Variants in RIGI observed in about 807,000 individuals in gnomAD.
RIGI encodes antiviral innate immune response receptor RIG-I.
At chr9:32,491,575 A>C in the RIGI span, among the ~76,000 whole-genome samples, 1 of 152,194 alleles carries the variant, frequency 6.6e-6, no homozygotes, top group East Asian at 1.9e-4. Context: ...AGTTGAAAGA[A>C]TCATTTTGAG....
the RIGI span, among the ~76,000 whole-genome samples, chr9:32,511,989 G>C: frequency 6.6e-6 from 1 of 152,222 alleles, no homozygotes; most frequent in Admixed American, 6.5e-5. Context: ...AGAAGAAATG[G>C]ATAAATTCCT....
chr9:32,457,317 C>G, the RIGI span: 1 of 1,613,988 alleles, frequency 6.2e-7, no homozygotes, highest in South Asian at 1.1e-5. Flanking sequence ...CACAGAATAT[C>G]TTTGCTCTTT....
the RIGI span, chr9:32,493,930 A>G: frequency 1.5e-4 from 236 of 1,596,112 alleles, no homozygotes; most frequent in Non-Finnish European, 1.8e-4. Flanking sequence ...GGCTTCATAA[A>G]GTCCAGAATA....
chr9:32,508,239 AT>A, the RIGI span, among the ~76,000 whole-genome samples: 15 of 70,346 alleles, frequency 2.1e-4, 1 homozygote, highest in East Asian at 1.9e-3. Flanking sequence ...TATTTACTTA[AT>A]TTTTTTTTTT....
At chr9:32,526,005 A>G in the RIGI span, 1 of 1,336,626 alleles carries the variant, frequency 7.5e-7, no homozygotes, top group Non-Finnish European at 1.1e-6. Flanking sequence ...ACGAAGCAAG[A>G]GAAAAACAAG....
At chr9:32,509,123 C>T in the RIGI span, among the ~76,000 whole-genome samples, 2 of 152,168 alleles carry the variant, frequency 1.3e-5, no homozygotes, top group African/African-American at 4.8e-5. Context: ...GATAAAACTC[C>T]CATTTCCCTG....
At chr9:32,509,508 G>A in the RIGI span, among the ~76,000 whole-genome samples, 17 of 152,170 alleles carry the variant, frequency 1.1e-4, no homozygotes, top group African/African-American at 4.1e-4. Context: ...CAGCTGAGGG[G>A]CCTGTTAGAA....
At chr9:32,493,622 C>CAAAAA in the RIGI span, 1 of 480,368 alleles carries the variant, frequency 2.1e-6, no homozygotes. Flanking sequence ...GACTCCGTCT[C>CAAAAA]AAAAAAAAAA....
At chr9:32,496,331 A>G in the RIGI span, among the ~76,000 whole-genome samples, 5 of 152,202 alleles carry the variant, frequency 3.3e-5, no homozygotes, top group Non-Finnish European at 5.9e-5. Flanking sequence ...TAGCTGGTAA[A>G]ACATTACTTT....
At chr9:32,488,655 A>G in the RIGI span, 16 of 1,392,044 alleles carry the variant, frequency 1.1e-5, no homozygotes, top group African/African-American at 1.5e-5. Flanking sequence ...TTTTTAAATC[A>G]TTTGTCAAAA....
the RIGI span, among the ~76,000 whole-genome samples, chr9:32,480,638 T>A: frequency 3.9e-5 from 6 of 152,128 alleles, no homozygotes; most frequent in East Asian, 1.2e-3. Flanking sequence ...AAAACACATA[T>A]CAAAATTTAA....
chr9:32,499,558 C>G, the RIGI span, among the ~76,000 whole-genome samples: 2 of 152,038 alleles, frequency 1.3e-5, no homozygotes, highest in Non-Finnish European at 2.9e-5. Context: ...TGGGTTCAAG[C>G]AATTCTCCTT....
At chr9:32,469,824 T>A in the RIGI span, among the ~76,000 whole-genome samples, 4 of 152,174 alleles carry the variant, frequency 2.6e-5, no homozygotes, top group African/African-American at 9.7e-5. Context: ...ACCGTGTGGA[T>A]CCTAAAGACA....
chr9:32,501,324 A>AC, the RIGI span, among the ~76,000 whole-genome samples: 15 of 33,228 alleles, frequency 4.5e-4, no homozygotes, highest in Admixed American at 1.1e-3. Flanking sequence ...CCCAGCCTCT[A>AC]CAAAAAAAAA....
the RIGI span, among the ~76,000 whole-genome samples, chr9:32,466,716 AAG>A: frequency 2.4e-3 from 338 of 142,032 alleles, 13 homozygotes; most frequent in Middle Eastern, 7.5e-3. Context: ...AAAAAAAAAA[AAG>A]ACTCAAATGC....
the RIGI span, among the ~76,000 whole-genome samples, chr9:32,524,596 GTTTTTTTTTTTTTTTT>G: frequency 3.0e-5 from 2 of 67,580 alleles, no homozygotes; most frequent in Non-Finnish European, 2.8e-5. Context: ...TTGTTTTTCG[GTTTTTTTTTTTTTTTT>G]TTTTTTTTTT....
chr9:32,473,117 T>C, the RIGI span: 1 of 1,322,336 alleles, frequency 7.6e-7, no homozygotes, highest in Non-Finnish European at 1.0e-6. Flanking sequence ...ATCATTTGTA[T>C]TAATTCAATA....
chr9:32,472,353 T>C, the RIGI span, among the ~76,000 whole-genome samples: 114 of 152,352 alleles, frequency 7.5e-4, 1 homozygote, highest in African/African-American at 2.6e-3. Flanking sequence ...AGGCAATGTC[T>C]ACAAGGAAAG....
the RIGI span, chr9:32,488,074 T>G: frequency 6.2e-7 from 1 of 1,614,198 alleles, no homozygotes. Context: ...TGGATAGTGA[T>G]GGAATCGTTC....
Sources: gnomAD v4.1 joint callset for allele counts (sites outside exome capture counted in the v4.1 genomes callset) on GRCh38, gnomAD v4.1.1 for gene constraint, MANE v1.5 for transcripts, NCBI Gene and HGNC (gene_info 2026-07-23, HGNC 2026-07-21) for gene names.